Variants in NUP153 observed in about 807,000 individuals in gnomAD.
NUP153 encodes the protein nuclear pore complex protein Nup153.
In NUP153, 27 loss-of-function variants were observed where a neutral mutation model predicts 134.6. That is an observed-to-expected ratio of 0.20 (90% confidence interval 0.15 to 0.28). The LOEUF (loss-of-function observed/expected upper bound fraction) is 0.28. Ranked by LOEUF, NUP153 falls within the 10% of genes least tolerant of loss-of-function variation. The pLI, the probability that NUP153 is intolerant of heterozygous loss-of-function variation, is 1.00. For synonymous variants in NUP153, 640 were observed against 623.5 expected, an observed-to-expected ratio of 1.03 and a Z score of -0.40; for missense variants, 1,821 against 1,731.3, an observed-to-expected ratio of 1.05 and a Z score of -0.92.
rs1368639930 is a variant in NUP153, at chr6:17,638,280, C to T, written c.1847-510G>A. On this transcript the variant is annotated intron_variant, in intron 15 of 21. Transcript: ENST00000262077. This position sits in a 1 kb window ranked among gnomAD's most constrained non-coding sequence, Gnocchi z 4.0. ...GCAAGTCCTTCTGTTACCAAAACTGCTGTCATTGAGTTCATTCACTCAAGC... is the reference window on the plus strand; with the variant it reads ...GCAAGTCCTTCTGTTACCAAAACTGTTGTCATTGAGTTCATTCACTCAAGC... 6.6e-6 allele frequency among the ~76,000 whole-genome samples: 1 copy of T among 152,224 alleles called. No homozygotes were observed. Among genetic ancestry groups the T allele is most frequent in the African/African-American group, 2.4e-5 (1 of 41,466 alleles).
At position 17,662,041 on chromosome 6, in the gene NUP153, T is replaced by C. The variant is rs370863763; in HGVS notation, c.1245A>G (p.Gly415=). 7.3e-5 allele frequency: 117 copies of C among 1,611,812 alleles called. No individual in the cohort carries two copies. Among genetic ancestry groups the C allele is most frequent in the Admixed American group, 1.5e-4 (9 of 59,912 alleles). Residue 415 remains glycine (G), a synonymous_variant, in exon 10 of 22, where the codon GGA becomes GGG. Transcript: ENST00000262077. ...STGYEKNMTP[G]QNREQRESGF... ...ACCTTTCTCGTTGTTCTCTATTTTG[T>C]CCGGGTGTCATATTTTTTTCATATC...
chr6:17,644,619 C>T (rs575962584), intron 14 of NUP153, among the ~76,000 whole-genome samples: 1 of 152,162 alleles, frequency 6.6e-6, no homozygotes, highest in Non-Finnish European at 1.5e-5. Context: ...CTGATTTTCC[C>T]AAACACTTAA....
rs532851648 is a variant in NUP153, at chr6:17,696,493, C to T, written c.112-7875G>A. The stretch of plus-strand genomic sequence containing the variant: ...AAACAAGGCCAGGCACGGTGGCTCA[C>T]GCCTGTAATCCCAGTACTTTGAGAG... On this transcript the variant is annotated intron_variant, in intron 1 of 21. Coordinates refer to ENST00000262077, the MANE Select transcript of NUP153 (RefSeq NM_005124.4). Among the ~76,000 whole-genome samples the T allele has an allele frequency of 5.1e-4, 78 of 152,290 alleles. 1 individual carries two copies. In the East Asian group the frequency reaches 0.013, roughly 26 times the overall value.
chr6:17,631,860 G>A (rs62395969), intron 17 of NUP153, among the ~76,000 whole-genome samples: 20,309 of 152,140 alleles, frequency 0.13, 1,675 homozygotes, highest in Middle Eastern at 0.27. Flanking sequence ...CCAGCTACTC[G>A]GGAGGCTGAA....
chr6:17,659,368 A>C (rs1332611293), intron 11 of NUP153, among the ~76,000 whole-genome samples: 1 of 152,252 alleles, frequency 6.6e-6, no homozygotes, highest in Non-Finnish European at 1.5e-5. Context: ...GTTTGAGCCT[A>C]GTTAAATAAT....
At chr6:17,683,725 A>G (rs1375006307) in intron 2 of NUP153, among the ~76,000 whole-genome samples, 4 of 152,176 alleles carry the variant, frequency 2.6e-5, no homozygotes, top group Non-Finnish European at 5.9e-5. Context: ...TTAACCCCTA[A>G]TAAGAGAGTT....
chr6:17,701,816 G>A (rs1359611019), intron 1 of NUP153, among the ~76,000 whole-genome samples: 1 of 128,118 alleles, frequency 7.8e-6, no homozygotes, highest in Non-Finnish European at 1.6e-5. Context: ...CTGGGCAACA[G>A]AGCAAGACTC....
intron 13 of NUP153, among the ~76,000 whole-genome samples, chr6:17,646,745 T>G (rs1201501973): frequency 6.6e-6 from 1 of 151,856 alleles, no homozygotes; most frequent in Non-Finnish European, 1.5e-5. Flanking sequence ...TCTTTCCTTT[T>G]TTTTTTGTTT....
chr6:17,634,554 T>C (rs1036561752), intron 16 of NUP153, among the ~76,000 whole-genome samples: 8 of 152,092 alleles, frequency 5.3e-5, no homozygotes, highest in African/African-American at 1.9e-4. Flanking sequence ...CTCCTGCCTC[T>C]GCCTCCCAAG....
At chr6:17,694,545 T>C (rs1033557160) in intron 1 of NUP153, among the ~76,000 whole-genome samples, 1 of 151,624 alleles carries the variant, frequency 6.6e-6, no homozygotes, top group African/African-American at 2.4e-5. Context: ...TAATCCTAGC[T>C]ACTCAGGAGG....
At chr6:17,663,721 T>C (rs1337356322) in intron 9 of NUP153, among the ~76,000 whole-genome samples, 1 of 152,112 alleles carries the variant, frequency 6.6e-6, no homozygotes, top group African/African-American at 2.4e-5. Context: ...TTTCAATAAA[T>C]TGAGTTGTTA....
chr6:17,621,891 CTAATT>C (rs1764657071), intron 20 of NUP153, among the ~76,000 whole-genome samples: 1 of 152,032 alleles, frequency 6.6e-6, no homozygotes, highest in Non-Finnish European at 1.5e-5. Context: ...CCTAAATGCC[CTAATT>C]TATTACACAT....
rs747089578 is a variant in NUP153, at chr6:17,688,453, TCTC to T, written c.274_276del (p.Glu92del). The T allele has an allele frequency of 6.2e-7, 1 of 1,614,146 alleles. No individual in the cohort carries two copies. The highest frequency in any genetic ancestry group is 8.5e-7 in the Non-Finnish European group (1 of 1,180,026). On this transcript the variant is annotated inframe_deletion, in exon 2 of 22. Coordinates refer to ENST00000262077, the MANE Select transcript of NUP153 (RefSeq NM_005124.4). ...ATTCTCCCATCAGTAATATTAGAGC[TCTC>T]CTCATCGGCATATACCAGATGGTCC...
intron 13 of NUP153, 92 bp from the exon 14 acceptor site, chr6:17,646,246 C>T (rs967078727): frequency 3.1e-5 from 19 of 617,406 alleles, no homozygotes; most frequent in South Asian, 1.8e-4. Flanking sequence ...CTTACTCTGT[C>T]GCCCAGGCTG....
chr6:17,639,505 T>G (rs1314960460), intron 15 of NUP153, among the ~76,000 whole-genome samples: 1 of 152,240 alleles, frequency 6.6e-6, no homozygotes, highest in Non-Finnish European at 1.5e-5. Flanking sequence ...TTTCAAATCT[T>G]GCTTCAATTC....
At chr6:17,633,072 T>C (rs1765345962) in intron 16 of NUP153, among the ~76,000 whole-genome samples, 1 of 152,198 alleles carries the variant, frequency 6.6e-6, no homozygotes, top group African/African-American at 2.4e-5. Context: ...TTTAACCTTA[T>C]AAATGAGCAG....
chr6:17,670,495 A>C (rs1767838719), intron 5 of NUP153, among the ~76,000 whole-genome samples: 1 of 152,188 alleles, frequency 6.6e-6, no homozygotes, highest in African/African-American at 2.4e-5. Context: ...TAAAAATATT[A>C]CAGGAATAAT....
rs1554148736 is a variant in NUP153 at position 17,701,847 on chromosome 6, A to AGGGG, written c.111+4429_111+4430insCCCC. 1.8e-3 allele frequency among the ~76,000 whole-genome samples: 138 copies of AGGGG among 78,084 alleles called. 10 individuals carry two copies. Among genetic ancestry groups the AGGGG allele is most frequent in the African/African-American group, 2.1e-3 (48 of 22,646 alleles). 51.2% of individuals were successfully genotyped at this position (78,084 alleles called of 152,430 possible). On this transcript the variant is annotated intron_variant, in intron 1 of 21. Coordinates refer to ENST00000262077, the MANE Select transcript of NUP153 (RefSeq NM_005124.4). Reference sequence around the variant, plus strand: ...GACTCTGTCTCGGGGGGGGGGGGAAAAAAGCTAAATGCAGGAACTGACTTG... The same window carrying AGGGG: ...GACTCTGTCTCGGGGGGGGGGGGAAAGGGGAAAGCTAAATGCAGGAACTGACTTG...
At position 17,661,673 on chromosome 6, in the gene NUP153, A is replaced by T; in HGVS notation, c.1375T>A (p.Ser459Thr). The T allele has an allele frequency of 6.2e-7, 1 of 1,613,904 alleles. No individual in the cohort carries two copies. The highest frequency in any genetic ancestry group is 8.5e-7 in the Non-Finnish European group (1 of 1,179,858). ...MRRERTRFVA[S>T]KPLEEEEMEV... ...CCTACCTCCTCCTCCAGAGGTTTAG[A>T]AGCAACAAAGCGTGTTCTTTCTCGT... Residue 459 changes from serine (S) to threonine (T), a missense_variant, in exon 11 of 22, where the codon TCT becomes ACT. Physicochemically the swap from Ser to Thr is moderately conservative, Grantham distance 58 (BLOSUM62 1). Transcript: ENST00000262077.
Sources: gnomAD v4.1 joint callset for allele counts (sites outside exome capture counted in the v4.1 genomes callset) on GRCh38, gnomAD v4.1.1 for gene constraint, Gnocchi (gnomAD v3.1) non-coding constraint, MANE v1.5 for transcripts, NCBI Gene and HGNC (gene_info 2026-07-23, HGNC 2026-07-21) for gene names.